Variants in HIVEP3 observed in about 807,000 individuals in gnomAD.
HIVEP3 encodes the protein transcription factor HIVEP3.
Under a neutral mutation model 152.8 loss-of-function variants are expected in HIVEP3, and 49 were observed. The ratio of observed to expected loss-of-function variants is 0.32; its 90% CI spans 0.26 to 0.41. The LOEUF is 0.41. Among genes scored for constraint, HIVEP3 ranks in the 10% least tolerant of loss-of-function variants. The probability of loss-of-function intolerance (pLI) is 1.00; values close to 1 mark genes in which losing one functional copy is unlikely to be tolerated. For missense variants in HIVEP3, 2,790 were observed against 3,103.3 expected (o/e 0.90, Z 2.40); for synonymous variants, 1,269 against 1,289.0 (o/e 0.98, Z 0.33).
chr1:41,917,664 T>C (rs919986138), intron 1 of HIVEP3, among the ~76,000 whole-genome samples: 4 of 152,166 alleles, frequency 2.6e-5, no homozygotes, highest in Non-Finnish European at 5.9e-5. Flanking sequence ...TTCGGCACCA[T>C]CAGTGTTTCC....
intron 1 of HIVEP3, among the ~76,000 whole-genome samples, chr1:41,802,306 C>G (rs1488479951): frequency 6.6e-6 from 1 of 152,156 alleles, no homozygotes; most frequent in African/African-American, 2.4e-5. Flanking sequence ...GTCTCAACTT[C>G]CTGGGCTCAA....
intron 5 of HIVEP3, among the ~76,000 whole-genome samples, chr1:41,552,945 T>C (rs1643912092): frequency 6.6e-6 from 1 of 152,166 alleles, no homozygotes; most frequent in Non-Finnish European, 1.5e-5. Context: ...GAATAAGTGC[T>C]ATGTGGTGCT....
chr1:41,523,077 G>A (rs1177309694), intron 6 of HIVEP3, among the ~76,000 whole-genome samples: 1 of 152,258 alleles, frequency 6.6e-6, no homozygotes. Flanking sequence ...TCACCTTCAA[G>A]GGGACTTGGG....
chr1:42,013,764 C>T (rs1327370759), intron 1 of HIVEP3, among the ~76,000 whole-genome samples: 3 of 152,182 alleles, frequency 2.0e-5, no homozygotes, highest in African/African-American at 4.8e-5. Flanking sequence ...TTTAGTCCTT[C>T]CCAACAGCAG....
At chr1:41,542,010 C>A (rs1643541932) in intron 5 of HIVEP3, 1 of 152,198 alleles carries the variant, frequency 6.6e-6, no homozygotes, top group Non-Finnish European at 1.5e-5. Flanking sequence ...TGGAAGAGTG[C>A]CTAGCACCGA....
intron 3 of HIVEP3, among the ~76,000 whole-genome samples, chr1:41,590,806 A>T (rs1644576305): frequency 6.6e-6 from 1 of 152,170 alleles, no homozygotes; most frequent in Non-Finnish European, 1.5e-5. Flanking sequence ...CACCTGTAGC[A>T]AGGTAAGCAT....
chr1:41,940,673 C>G (rs12564094), intron 1 of HIVEP3, among the ~76,000 whole-genome samples: 3 of 151,892 alleles, frequency 2.0e-5, no homozygotes, highest in African/African-American at 7.3e-5. Context: ...GTTGTGTATA[C>G]GGCAACAGGG....
chr1:41,675,581 C>T (rs17364300), intron 2 of HIVEP3, among the ~76,000 whole-genome samples: 10,325 of 152,232 alleles, frequency 0.068, 472 homozygotes, highest in Non-Finnish European at 0.1. Flanking sequence ...ACCATGGAAT[C>T]TCCAGAAACT....
At chr1:41,890,936 T>G (rs1295725770) in intron 1 of HIVEP3, among the ~76,000 whole-genome samples, 1 of 152,212 alleles carries the variant, frequency 6.6e-6, no homozygotes, top group Non-Finnish European at 1.5e-5. Flanking sequence ...TTTGAATGAC[T>G]AGCCTGCCTG....
intron 2 of HIVEP3, among the ~76,000 whole-genome samples, chr1:41,655,582 CAAAAAAA>C (rs55918119): frequency 1.4e-4 from 8 of 57,434 alleles, no homozygotes; most frequent in East Asian, 3.9e-4. Flanking sequence ...CACTCCATCT[CAAAAAAA>C]AAAAAAAAAA....
At chr1:41,593,832 A>G (rs1570045010) in intron 3 of HIVEP3, among the ~76,000 whole-genome samples, 2 of 152,332 alleles carry the variant, frequency 1.3e-5, no homozygotes, top group South Asian at 4.1e-4. Flanking sequence ...CACTCGGCTA[A>G]AAGCAAGGTG....
intron 1 of HIVEP3, among the ~76,000 whole-genome samples, chr1:41,788,631 G>A (rs1558270240): frequency 6.6e-6 from 1 of 152,258 alleles, no homozygotes. Flanking sequence ...GCAGTCCTGG[G>A]ACATGGTCCA....
chr1:41,561,241 G>A (rs1644056040), intron 5 of HIVEP3, among the ~76,000 whole-genome samples: 1 of 152,108 alleles, frequency 6.6e-6, no homozygotes, highest in African/African-American at 2.4e-5. Context: ...TGGCAGCTGG[G>A]ACTCAAACCC....
chr1:41,978,674 C>G (rs888092011), intron 1 of HIVEP3, among the ~76,000 whole-genome samples: 1 of 152,198 alleles, frequency 6.6e-6, no homozygotes, highest in African/African-American at 2.4e-5. Context: ...CATTCATTCA[C>G]TCAGCAAAGG....
chr1:41,623,418 T>C (rs761409907), intron 3 of HIVEP3, among the ~76,000 whole-genome samples: 1 of 152,272 alleles, frequency 6.6e-6, no homozygotes, highest in African/African-American at 2.4e-5. Context: ...TAAAGGGCTA[T>C]ATAAACAAAC....
chr1:41,968,606 T>C (rs373816557), intron 1 of HIVEP3, among the ~76,000 whole-genome samples: 1 of 152,204 alleles, frequency 6.6e-6, no homozygotes, highest in African/African-American at 2.4e-5. Flanking sequence ...AATATCATAC[T>C]GAATGGGCAA....
At chr1:42,003,475 C>G (rs1208167070) in intron 1 of HIVEP3, among the ~76,000 whole-genome samples, 1 of 152,202 alleles carries the variant, frequency 6.6e-6, no homozygotes, top group Non-Finnish European at 1.5e-5. Flanking sequence ...AGCACCCTGT[C>G]CTTTACTCAG....
At chr1:41,843,535 C>T (rs1643349352) in intron 1 of HIVEP3, among the ~76,000 whole-genome samples, 1 of 151,830 alleles carries the variant, frequency 6.6e-6, no homozygotes, top group African/African-American at 2.4e-5. Context: ...AGCCACTCTT[C>T]TGTTGCCCTG....
intron 1 of HIVEP3, among the ~76,000 whole-genome samples, chr1:41,852,112 T>C (rs1643620656): frequency 6.6e-6 from 1 of 152,238 alleles, no homozygotes; most frequent in South Asian, 2.1e-4. Context: ...GAGATCCAAA[T>C]AGGTGAAATT....
Sources: gnomAD v4.1 joint callset for allele counts (sites outside exome capture counted in the v4.1 genomes callset) on GRCh38, gnomAD v4.1.1 for gene constraint, MANE v1.5 for transcripts, NCBI Gene and HGNC (gene_info 2026-07-23, HGNC 2026-07-21) for gene names.